CSNK1G1: variants seen among roughly 807,000 people sequenced by gnomAD.
CSNK1G1 encodes casein kinase 1 gamma 1, also known as casein kinase I isoform gamma-1.
In CSNK1G1, 22 loss-of-function variants were observed where a neutral mutation model predicts 59.6. That is an observed-to-expected ratio of 0.37 (90% CI 0.26 to 0.53). The LOEUF is 0.53. Ranked by LOEUF, CSNK1G1 falls within the 20% of genes least tolerant of loss-of-function variation. CSNK1G1 has a pLI of 0.89. For missense variants in CSNK1G1, 384 were observed against 519.5 expected, an observed-to-expected ratio of 0.74 and a Z score of 2.54; for synonymous variants, 179 against 177.1, an observed-to-expected ratio of 1.01 and a Z score of -0.08.
At chr15:64,189,473 C>T (rs191829704) in intron 10 of CSNK1G1, 1 of 1,251,094 alleles carries the variant, frequency 8.0e-7, no homozygotes, top group African/African-American at 1.5e-5. Flanking sequence ...TGTAACAGTC[C>T]TAAGGCTCTA....
chr15:64,301,120 G>T (rs1200194483), intron 1 of CSNK1G1, among the ~76,000 whole-genome samples: 1 of 152,126 alleles, frequency 6.6e-6, no homozygotes, highest in African/African-American at 2.4e-5. Flanking sequence ...AAACTTATAA[G>T]AAATTAGACT....
At chr15:64,321,670 A>C (rs992629147) in intron 1 of CSNK1G1, among the ~76,000 whole-genome samples, 2 of 152,258 alleles carry the variant, frequency 1.3e-5, no homozygotes, top group Admixed American at 1.3e-4. Context: ...ATATGAAGAC[A>C]GCTGCTTCTG....
chr15:64,177,229 G>A (rs2081751508), intron 11 of CSNK1G1, among the ~76,000 whole-genome samples: 1 of 152,126 alleles, frequency 6.6e-6, no homozygotes, highest in Non-Finnish European at 1.5e-5. Flanking sequence ...CAGTACTGAG[G>A]TGTGTCTCAA....
chr15:64,207,858 G>A (rs2082203297), intron 6 of CSNK1G1, among the ~76,000 whole-genome samples: 1 of 150,836 alleles, frequency 6.6e-6, no homozygotes, highest in Admixed American at 6.6e-5. Context: ...ACTAAACAGT[G>A]AATTTCCACC....
intron 1 of CSNK1G1, among the ~76,000 whole-genome samples, chr15:64,354,422 G>A (rs183902211): frequency 2.4e-4 from 37 of 152,148 alleles, no homozygotes; most frequent in Admixed American, 3.9e-4. Context: ...CATGTATTTC[G>A]TGTTAATCCA....
chr15:64,315,171 C>G (rs1596265310), intron 1 of CSNK1G1, among the ~76,000 whole-genome samples: 1 of 152,188 alleles, frequency 6.6e-6, no homozygotes, highest in African/African-American at 2.4e-5. Flanking sequence ...TCCTTGTACA[C>G]TGTTGTGAAA....
intron 10 of CSNK1G1, among the ~76,000 whole-genome samples, chr15:64,190,734 A>G (rs1350676659): frequency 6.6e-6 from 1 of 152,138 alleles, no homozygotes; most frequent in Admixed American, 6.5e-5. Flanking sequence ...ACTTACTGAC[A>G]TTGTCTATAT....
chr15:64,274,326 G>A (rs960268099), intron 2 of CSNK1G1, among the ~76,000 whole-genome samples: 1 of 152,028 alleles, frequency 6.6e-6, no homozygotes, highest in African/African-American at 2.4e-5. Flanking sequence ...ATAATACACA[G>A]TACTCAAAAA....
intron 1 of CSNK1G1, among the ~76,000 whole-genome samples, chr15:64,314,563 A>AC (rs1555403079): frequency 7.0e-6 from 1 of 142,680 alleles, no homozygotes; most frequent in Admixed American, 7.0e-5. Flanking sequence ...GTACCACAGA[A>AC]TTAAAAAAAA....
intron 10 of CSNK1G1, among the ~76,000 whole-genome samples, chr15:64,185,122 T>C (rs2081873977): frequency 6.6e-6 from 1 of 152,218 alleles, no homozygotes; most frequent in South Asian, 2.1e-4. Flanking sequence ...GTGGAAATAC[T>C]GGAAGGATGA....
In CSNK1G1 at chr15:64,166,018, A is replaced by G. The variant is rs2140188100; in HGVS notation, c.*5913T>C. The G allele has an allele frequency of 1.5e-6, 1 of 683,920 alleles. No individual in the cohort carries two copies. The allele number at this position is 683,920 out of a possible 1,614,324, so 42.4% of individuals were successfully genotyped here. A position where few individuals can be genotyped will look rare whatever the true frequency, so the allele number is the denominator to read the frequency against. On this transcript the variant is annotated 3_prime_UTR_variant, in exon 12 of 12. Transcript: ENST00000303052. The surrounding 1 kb of genome is among the most constrained non-coding windows in gnomAD (Gnocchi z 4.5). ...ATTGACATTCATGTTTAAAAATACT[A>G]CAAATTTCATTTTCACAGCTGAGCT... is the stretch of plus-strand genomic sequence containing the variant.
intron 1 of CSNK1G1, among the ~76,000 whole-genome samples, chr15:64,348,769 C>G (rs1325200559): frequency 1.3e-5 from 2 of 151,414 alleles, no homozygotes; most frequent in African/African-American, 4.9e-5. Flanking sequence ...ACTCAAACAC[C>G]AAAAAAAGGA....
At chr15:64,206,646 A>G (rs1223851208) in intron 7 of CSNK1G1, among the ~76,000 whole-genome samples, 1 of 147,380 alleles carries the variant, frequency 6.8e-6, no homozygotes, top group Non-Finnish European at 1.5e-5. Context: ...GGGACTTACA[A>G]TGGGTTAGAA....
Position 64,213,796 on chromosome 15 carries a change from C to A in CSNK1G1, c.679+94G>T, listed in dbSNP as rs1480179048. ...ACTCAACCTTGTGAAACAATAAAAA[C>A]CACAAGTTGTAATGCACAATGGGGA... On this transcript the variant is annotated intron_variant, in intron 6 of 11. Transcript: ENST00000303052. 7 of 873,458 alleles carry A rather than the reference C, an allele frequency of 8.0e-6. No homozygotes were observed. In the South Asian group the frequency reaches 9.9e-5, roughly 12 times the overall value. 54.1% of individuals were successfully genotyped at this position (873,458 alleles called of 1,614,324 possible).
intron 6 of CSNK1G1, among the ~76,000 whole-genome samples, chr15:64,209,546 T>G (rs1458485131): frequency 6.6e-6 from 1 of 151,524 alleles, no homozygotes; most frequent in African/African-American, 2.4e-5. Flanking sequence ...TAAAACTGAG[T>G]TGGTATACAA....
At chr15:64,300,746 T>A in intron 1 of CSNK1G1, 23 bp from the exon 2 acceptor site, 1 of 1,227,744 alleles carries the variant, frequency 8.1e-7, no homozygotes, top group Non-Finnish European at 1.0e-6. Context: ...CAAGAAAACA[T>A]GTAGTTAAAA....
chr15:64,300,552 A>C lies in CSNK1G1; in HGVS notation c.-53T>G. 1 of 1,535,940 alleles carries C rather than the reference A, an allele frequency of 6.5e-7. No individual in the cohort carries two copies. The highest frequency in any genetic ancestry group is 8.8e-7 in the Non-Finnish European group (1 of 1,139,546). ...TACAGCAAGTAGCTTCAGTATGTAT[A>C]CCTCTCTTCAATACAAAAGTATGTC... On this transcript the variant is annotated 5_prime_UTR_variant, in exon 2 of 12. Coordinates refer to ENST00000303052, the MANE Select transcript of CSNK1G1 (RefSeq NM_022048.5).
intron 10 of CSNK1G1, chr15:64,181,424 A>T (rs745719601): frequency 2.0e-6 from 3 of 1,527,158 alleles, no homozygotes; most frequent in Middle Eastern, 1.7e-4. Flanking sequence ...CTTGTTAAAG[A>T]CCTTGGCTGA....
chr15:64,242,588 T>A (rs1317138215), intron 4 of CSNK1G1, among the ~76,000 whole-genome samples: 1 of 152,222 alleles, frequency 6.6e-6, no homozygotes, highest in African/African-American at 2.4e-5. Context: ...ATTTATACAG[T>A]CTCAGGTATT....
Sources: gnomAD v4.1 joint callset for allele counts (sites outside exome capture counted in the v4.1 genomes callset) on GRCh38, gnomAD v4.1.1 for gene constraint, Gnocchi (gnomAD v3.1) non-coding constraint, MANE v1.5 for transcripts, NCBI Gene and HGNC (gene_info 2026-07-23, HGNC 2026-07-21) for gene names.